CBFB: variants seen among roughly 807,000 people sequenced by gnomAD.
CBFB encodes core-binding factor subunit beta.
A neutral mutation model predicts 30.4 loss-of-function variants in CBFB; 9 were observed. That is an observed-to-expected ratio of 0.30 (90% CI 0.18 to 0.52). CBFB has a LOEUF of 0.52. Among genes scored for constraint, CBFB ranks in the 20% least tolerant of loss-of-function variants. The probability of loss-of-function intolerance (pLI) is 0.97; values close to 1 mark genes in which losing one functional copy is unlikely to be tolerated. For missense variants in CBFB, 170 were observed against 244.0 expected (o/e 0.70, Z 2.02); for synonymous variants, 94 against 84.0 (o/e 1.12, Z -0.65).
At position 67,082,287 on chromosome 16, in the gene CBFB, G is replaced by T; in HGVS notation, c.474G>T (p.Arg158Ser). 6.2e-7 allele frequency: 1 copy of T among 1,612,316 alleles called. No homozygotes were observed. Among genetic ancestry groups the T allele is most frequent in the Admixed American group, 1.7e-5 (1 of 59,990 alleles). Residue 158 changes from arginine to serine, a missense_variant, in exon 5 of 6, where the codon AGG (arginine) becomes AGT (serine). Physicochemically the swap from Arg to Ser is moderately radical, Grantham distance 110. Coordinates refer to ENST00000412916, the MANE Select transcript of CBFB (RefSeq NM_022845.3). ...RRTREFEDRD[R>S]SHREEMEARR... ...CACGCGAATTTGAAGATAGAGACAG[G>T]TCTCATCGGGAGGAAATGGAGGTGA...
Position 67,100,802 on chromosome 16 carries a change from T to C in CBFB, c.*2024T>C. 1 of 214,342 alleles carries C rather than the reference T, an allele frequency of 4.7e-6. No homozygotes were observed. The highest frequency in any genetic ancestry group is 9.5e-6 in the Non-Finnish European group (1 of 105,784). The allele number at this position is 214,342 out of a possible 1,614,324, so 13.3% of individuals were successfully genotyped here. A position where few individuals can be genotyped will look rare whatever the true frequency, so the allele number is the denominator to read the frequency against. On this transcript the variant is annotated 3_prime_UTR_variant, in exon 6 of 6. Transcript: ENST00000412916. Reference sequence around the variant, plus strand: ...AGCACCATGCTGCTTCTGTCTGTCTTAATGCTGGCATTAAGATCATGAGCC... The same window carrying C: ...AGCACCATGCTGCTTCTGTCTGTCTCAATGCTGGCATTAAGATCATGAGCC...
chr16:67,089,743 G>C (rs1430627898), intron 5 of CBFB, among the ~76,000 whole-genome samples: 1 of 152,140 alleles, frequency 6.6e-6, no homozygotes, highest in Non-Finnish European at 1.5e-5. Context: ...GGATGTAGTG[G>C]AATGAGCACA....
chr16:67,098,587 A>G (rs745880635), intron 5 of CBFB, 123 bp from the exon 6 acceptor site: 2 of 608,780 alleles, frequency 3.3e-6, no homozygotes, highest in Admixed American at 2.5e-5. Flanking sequence ...ACATGTGACT[A>G]TATTGGCTGA....
chr16:67,050,996 T>C lies in CBFB; in HGVS notation c.282+14241T>C, dbSNP rs963063543. 2.6e-5 allele frequency among the ~76,000 whole-genome samples: 4 copies of C among 152,224 alleles called. No individual in the cohort carries two copies. The East Asian group carries it at 7.7e-4, about 29-fold the overall frequency. ...CTCTCTGGAGAGAAGGAGTGCAATT[T>C]AAAACTTATGAATTGTTTATTTCTG... On this transcript the variant is annotated intron_variant, in intron 3 of 5. Coordinates refer to ENST00000412916, the MANE Select transcript of CBFB (RefSeq NM_022845.3).
intron 4 of CBFB, among the ~76,000 whole-genome samples, chr16:67,067,915 T>A (rs1471830688): frequency 6.6e-6 from 1 of 152,228 alleles, no homozygotes; most frequent in Admixed American, 6.5e-5. Context: ...ATTACACTCA[T>A]GTCATCCAGA....
rs1962146566 is a variant in CBFB at position 67,099,200 on chromosome 16, A to G, written c.*422A>G. On this transcript the variant is annotated 3_prime_UTR_variant, in exon 6 of 6. Transcript: ENST00000412916. ...TTGTACTTCTAGATGTTTTGGTTAT[A>G]CAGCTTCATTTTAGATGAGCATTCT... is the stretch of plus-strand genomic sequence containing the variant. 4.2e-6 allele frequency: 1 copy of G among 235,326 alleles called. No homozygotes were observed. Among genetic ancestry groups the G allele is most frequent in the Admixed American group, 5.6e-5 (1 of 17,828 alleles). 14.6% of individuals were successfully genotyped at this position (235,326 alleles called of 1,614,324 possible). A position where few individuals can be genotyped will look rare whatever the true frequency, so the allele number is the denominator to read the frequency against.
In CBFB at chr16:67,092,696, A is replaced by ATTT. The variant is rs1162307047; in HGVS notation, c.496-6013_496-6012insTTT. 1.1e-4 allele frequency among the ~76,000 whole-genome samples: 10 copies of ATTT among 94,662 alleles called. 1 individual carries two copies. The highest frequency in any genetic ancestry group is 2.8e-4 in the African/African-American group (6 of 21,126). 62.1% of individuals were successfully genotyped at this position (94,662 alleles called of 152,430 possible). On this transcript the variant is annotated intron_variant, in intron 5 of 5. Transcript: ENST00000412916. ...ACCCAGGCTAGGTTACAGTGGTGCA[A>ATTT]TCTTTTTTTTTTTTTTTTTTTTTTT...
At position 67,029,419 on chromosome 16, in the gene CBFB, C is replaced by T. The variant is rs562591005; in HGVS notation, c.12C>T (p.Val4=). 135 of 1,569,380 alleles carry T rather than the reference C, an allele frequency of 8.6e-5. 1 individual carries two copies. The South Asian group carries it at 1.5e-3, about 17-fold the overall frequency. Residue 4 remains valine, a synonymous_variant, in exon 1 of 6, where the codon GTC becomes GTT. Coordinates refer to ENST00000412916, the MANE Select transcript of CBFB (RefSeq NM_022845.3). Reference sequence around the variant, plus strand: ...CTCAGGGCGGGAAGATGCCGCGCGTCGTGCCCGACCAGAGAAGCAAGTTCG... The same window carrying T: ...CTCAGGGCGGGAAGATGCCGCGCGTTGTGCCCGACCAGAGAAGCAAGTTCG... MPR[V]VPDQRSKFEN...
intron 2 of CBFB, among the ~76,000 whole-genome samples, chr16:67,031,167 C>A (rs1450226540): frequency 6.6e-6 from 1 of 152,122 alleles, no homozygotes; most frequent in African/African-American, 2.4e-5. Context: ...TAAGTGAAAG[C>A]TTTTTAGAGT....
At chr16:67,065,398 T>G (rs1159381165) in intron 3 of CBFB, among the ~76,000 whole-genome samples, 2 of 152,238 alleles carry the variant, frequency 1.3e-5, no homozygotes, top group Non-Finnish European at 2.9e-5. Context: ...ATTTCTCTAA[T>G]GTGTAAGTAG....
Position 67,029,834 on chromosome 16 carries a change from C to G in CBFB, c.165+21C>G, listed in dbSNP as rs748656509. The G allele has an allele frequency of 1.9e-6, 3 of 1,554,820 alleles. No individual in the cohort carries two copies. In the African/African-American group the frequency reaches 4.3e-5, roughly 22 times the overall value. On this transcript the variant is annotated intron_variant, in intron 2 of 5. Transcript: ENST00000412916. ...AAATCGTAAGTCGGCTGGCCCGGGG[C>G]GCGCGCGGGTCACTTGTTGCGCGGG... is the stretch of plus-strand genomic sequence containing the variant.
chr16:67,064,885 T>C lies in CBFB; in HGVS notation c.283-1797T>C, dbSNP rs547341926. Among the ~76,000 whole-genome samples the C allele has an allele frequency of 2.0e-5, 3 of 152,110 alleles. No homozygotes were observed. The East Asian group carries it at 5.8e-4, about 29-fold the overall frequency. ...AGTTAATAAAAGTGTAAAACAGAAG[T>C]TTTCTTTTTTTTCTCTCTCTTTTTT... On this transcript the variant is annotated intron_variant, in intron 3 of 5. Transcript: ENST00000412916.
At chr16:67,053,431 AT>A (rs1960620467) in intron 3 of CBFB, among the ~76,000 whole-genome samples, 2 of 151,324 alleles carry the variant, frequency 1.3e-5, no homozygotes, top group Admixed American at 1.3e-4. Context: ...AATTTTTTGT[AT>A]TTTTAGTAGA....
rs371995954 is a variant in CBFB, at chr16:67,082,430, A to C, written c.495+122A>C. Reference sequence around the variant, plus strand: ...TTTAATTTTGTCTTTCATTTTTAAAAAGTTGTACTCTCTGGCTTTGTGTTT... The same window carrying C: ...TTTAATTTTGTCTTTCATTTTTAAACAGTTGTACTCTCTGGCTTTGTGTTT... On this transcript the variant is annotated intron_variant, in intron 5 of 5. Coordinates refer to ENST00000412916, the MANE Select transcript of CBFB (RefSeq NM_022845.3). 5.7e-6 allele frequency: 7 copies of C among 1,229,596 alleles called. No individual in the cohort carries two copies. The East Asian group carries it at 7.3e-5, about 13-fold the overall frequency. 76.2% of individuals were successfully genotyped at this position (1,229,596 alleles called of 1,614,324 possible). A position where few individuals can be genotyped will look rare whatever the true frequency, so the allele number is the denominator to read the frequency against.
intron 4 of CBFB, among the ~76,000 whole-genome samples, chr16:67,069,542 A>AG (rs1205098075): frequency 6.6e-6 from 1 of 152,182 alleles, no homozygotes; most frequent in Non-Finnish European, 1.5e-5. Flanking sequence ...AGGAAAGGAA[A>AG]GAAAGAGGTT....
chr16:67,086,225 G>A (rs1432108568), intron 5 of CBFB, among the ~76,000 whole-genome samples: 1 of 152,198 alleles, frequency 6.6e-6, no homozygotes, highest in African/African-American at 2.4e-5. Flanking sequence ...GCTTTAAAAT[G>A]TATAATGTAC....
intron 3 of CBFB, among the ~76,000 whole-genome samples, chr16:67,038,716 G>A (rs1245065662): frequency 6.6e-6 from 1 of 150,510 alleles, no homozygotes; most frequent in Admixed American, 6.6e-5. Context: ...TTTTTTTCTT[G>A]TTTGAATACT....
intron 4 of CBFB, among the ~76,000 whole-genome samples, chr16:67,075,197 ATGTGTGTGTGTGTGTGTGTGTG>A (rs57425666): frequency 0.061 from 8,697 of 142,740 alleles, 765 homozygotes; most frequent in African/African-American, 0.2. Context: ...CTCAAAAAAA[ATGTGTGTGTGTGTGTGTGTGTG>A]TGTGTGTGTG....
chr16:67,059,212 AG>A (rs1435081749), intron 3 of CBFB, among the ~76,000 whole-genome samples: 2 of 152,238 alleles, frequency 1.3e-5, no homozygotes, highest in African/African-American at 4.8e-5. Context: ...AGACCCTCAA[AG>A]AACTATTTGT....
Sources: gnomAD v4.1 joint callset for allele counts (sites outside exome capture counted in the v4.1 genomes callset) on GRCh38, gnomAD v4.1.1 for gene constraint, MANE v1.5 for transcripts, NCBI Gene and HGNC (gene_info 2026-07-23, HGNC 2026-07-21) for gene names.